Variants in PPFIBP1 observed in about 807,000 individuals in gnomAD.
PPFIBP1 encodes liprin-beta-1.
A neutral mutation model predicts 137.8 loss-of-function variants in PPFIBP1; 112 were observed. The ratio of observed to expected loss-of-function variants is 0.81; its 90% CI spans 0.70 to 0.95. The LOEUF is 0.95. Ranked by LOEUF, PPFIBP1 falls within the 40% of genes least tolerant of loss-of-function variation. PPFIBP1 has a pLI of 0.00. For missense variants in PPFIBP1, 1,083 were observed against 1,196.6 expected, an observed-to-expected ratio of 0.91 and a Z score of 1.40; for synonymous variants, 378 against 417.3, an observed-to-expected ratio of 0.91 and a Z score of 1.15.
At chr12:27,526,821 G>A (rs1943813587) in intron 1 of PPFIBP1, among the ~76,000 whole-genome samples, 1 of 152,084 alleles carries the variant, frequency 6.6e-6, no homozygotes, top group Non-Finnish European at 1.5e-5. Flanking sequence ...GGCGACTAGA[G>A]CAAAACTCCA....
At chr12:27,612,533 G>A (rs12367573) in intron 2 of PPFIBP1, among the ~76,000 whole-genome samples, 1 of 151,846 alleles carries the variant, frequency 6.6e-6, no homozygotes, top group East Asian at 1.9e-4. Flanking sequence ...TGTTTTAATA[G>A]AGACAAGGTC....
intron 11 of PPFIBP1, among the ~76,000 whole-genome samples, chr12:27,661,683 C>T (rs890106): frequency 0.99 from 151,404 of 152,350 alleles, 75,244 homozygotes; most frequent in East Asian, 1. Context: ...GACATTTTCC[C>T]AAAAAGAAGA....
chr12:27,565,187 G>A (rs1420761674), intron 1 of PPFIBP1, among the ~76,000 whole-genome samples: 2 of 152,162 alleles, frequency 1.3e-5, no homozygotes, highest in African/African-American at 4.8e-5. Context: ...CAATTCAAAT[G>A]TCAACAGGGG....
At chr12:27,628,766 T>A (rs542023016) in intron 2 of PPFIBP1, among the ~76,000 whole-genome samples, 90 of 152,326 alleles carry the variant, frequency 5.9e-4, no homozygotes, top group African/African-American at 2.1e-3. Flanking sequence ...AACCAACTTC[T>A]CTTTCCTAAT....
At chr12:27,543,288 C>T (rs1945861341) in intron 1 of PPFIBP1, among the ~76,000 whole-genome samples, 1 of 152,186 alleles carries the variant, frequency 6.6e-6, no homozygotes, top group Non-Finnish European at 1.5e-5. Context: ...TAATCCAATG[C>T]AGTCTTTTTT....
At chr12:27,593,483 G>A (rs868768851) in intron 2 of PPFIBP1, 14 of 444,412 alleles carry the variant, frequency 3.2e-5, no homozygotes, top group South Asian at 1.5e-4. Context: ...TTGCACTTGG[G>A]CAGGTCTTGA....
At chr12:27,582,635 A>T (rs952485348) in intron 2 of PPFIBP1, among the ~76,000 whole-genome samples, 2 of 152,178 alleles carry the variant, frequency 1.3e-5, no homozygotes, top group African/African-American at 4.8e-5. Context: ...GCGCTGTTCT[A>T]GTCTCCTGGT....
At chr12:27,537,082 A>T (rs10842927) in intron 1 of PPFIBP1, among the ~76,000 whole-genome samples, 14,088 of 151,904 alleles carry the variant, frequency 0.093, 842 homozygotes, top group East Asian at 0.27. Flanking sequence ...CTTCTCTCTG[A>T]TACAGACCTT....
At chr12:27,580,329 AAT>A (rs1209804990) in intron 2 of PPFIBP1, among the ~76,000 whole-genome samples, 30 of 152,304 alleles carry the variant, frequency 2.0e-4, no homozygotes, top group African/African-American at 7.2e-4. Context: ...TTCCCAAACA[AAT>A]ATGGGATGTG....
chr12:27,567,576 A>T (rs1297826402), intron 1 of PPFIBP1, among the ~76,000 whole-genome samples: 1 of 152,168 alleles, frequency 6.6e-6, no homozygotes, highest in Non-Finnish European at 1.5e-5. Flanking sequence ...GGGAGGATAG[A>T]TGGAACCAGA....
At position 27,650,152 on chromosome 12, in the gene PPFIBP1, C is replaced by T. The variant is rs767132861; in HGVS notation, c.603+11C>T. The T allele has an allele frequency of 1.9e-6, 3 of 1,587,988 alleles. No homozygotes were observed. The highest frequency in any genetic ancestry group is 3.4e-5 in the Admixed American group (2 of 59,612). Reference sequence around the variant, plus strand: ...TTCAGAGACACAGAGGTGAGTGATACAGTCTCTCCTCCCTCTCTCTCTCTC... The same window carrying T: ...TTCAGAGACACAGAGGTGAGTGATATAGTCTCTCCTCCCTCTCTCTCTCTC... On this transcript the variant is annotated intron_variant, in intron 7 of 29. Transcript: ENST00000228425.
intron 2 of PPFIBP1, among the ~76,000 whole-genome samples, chr12:27,588,360 A>G (rs571615201): frequency 6.6e-6 from 1 of 152,352 alleles, no homozygotes; most frequent in East Asian, 1.9e-4. Flanking sequence ...TTATGAATCA[A>G]TTATTAAGTT....
At chr12:27,604,774 G>A (rs760920800) in intron 2 of PPFIBP1, among the ~76,000 whole-genome samples, 1 of 152,174 alleles carries the variant, frequency 6.6e-6, no homozygotes, top group Non-Finnish European at 1.5e-5. Context: ...TCACACTGCT[G>A]ATAAAGACAC....
intron 2 of PPFIBP1, among the ~76,000 whole-genome samples, chr12:27,618,695 A>G (rs1375239147): frequency 1.3e-5 from 2 of 152,192 alleles, no homozygotes; most frequent in Non-Finnish European, 2.9e-5. Flanking sequence ...AAAATGTATA[A>G]AAGCAAGTTG....
At chr12:27,671,755 G>T (rs1349895949) in intron 14 of PPFIBP1, among the ~76,000 whole-genome samples, 1 of 152,166 alleles carries the variant, frequency 6.6e-6, no homozygotes, top group Non-Finnish European at 1.5e-5. Flanking sequence ...TGGGGAGGTA[G>T]GGTTGTCAGG....
intron 1 of PPFIBP1, among the ~76,000 whole-genome samples, chr12:27,550,198 C>T (rs1946622478): frequency 6.6e-6 from 1 of 152,150 alleles, no homozygotes; most frequent in South Asian, 2.1e-4. Flanking sequence ...TATCAGTGGC[C>T]CCATGGGGGA....
intron 19 of PPFIBP1, chr12:27,678,138 C>T (rs2060640138): frequency 6.6e-6 from 1 of 152,184 alleles, no homozygotes; most frequent in African/African-American, 2.4e-5. Flanking sequence ...CTTGCTGAAA[C>T]ACTGTTCTTG....
At chr12:27,539,318 A>G (rs1945394900) in intron 1 of PPFIBP1, among the ~76,000 whole-genome samples, 2 of 152,208 alleles carry the variant, frequency 1.3e-5, no homozygotes, top group South Asian at 2.1e-4. Flanking sequence ...GAGATTGTTT[A>G]TGTTACACTG....
chr12:27,530,693 C>T (rs1944319588), intron 1 of PPFIBP1, among the ~76,000 whole-genome samples: 1 of 152,058 alleles, frequency 6.6e-6, no homozygotes, highest in Admixed American at 6.5e-5. Flanking sequence ...TCCCAGAATC[C>T]CTTGCAGCTG....
Sources: gnomAD v4.1 joint callset for allele counts (sites outside exome capture counted in the v4.1 genomes callset) on GRCh38, gnomAD v4.1.1 for gene constraint, MANE v1.5 for transcripts, NCBI Gene and HGNC (gene_info 2026-07-23, HGNC 2026-07-21) for gene names.